The following RIMS2 variants were observed in gnomAD, a reference collection of about 807,000 sequenced individuals.
RIMS2 encodes regulating synaptic membrane exocytosis 2, also known as regulating synaptic membrane exocytosis protein 2.
In RIMS2, 59 loss-of-function variants were observed where a neutral mutation model predicts 174.4. The ratio of observed to expected loss-of-function variants is 0.34; its 90% confidence interval spans 0.27 to 0.42. The LOEUF is 0.42. Ranked by LOEUF, RIMS2 falls within the 10% of genes least tolerant of loss-of-function variation. The pLI, the probability that RIMS2 is intolerant of heterozygous loss-of-function variation, is 1.00. For missense variants in RIMS2, 1,620 were observed against 1,666.3 expected, an observed-to-expected ratio of 0.97 and a Z score of 0.48; for synonymous variants, 606 against 572.5, an observed-to-expected ratio of 1.06 and a Z score of -0.84.
At chr8:104,051,294 TCACA>T (rs1233645962) in intron 19 of RIMS2, among the ~76,000 whole-genome samples, 1 of 151,856 alleles carries the variant, frequency 6.6e-6, no homozygotes, top group Non-Finnish European at 1.5e-5. Context: ...ATATATACAC[TCACA>T]CACACATATA....
Position 104,241,828 on chromosome 8 carries a change from C to T in RIMS2, c.3335-3088C>T, listed in dbSNP as rs184660666. On this transcript the variant is annotated intron_variant, in intron 19 of 23. Transcript: ENST00000504942. ...AGGCTGGAGTGCAATGGTGCAATTT[C>T]GGCTCACTGCAACCTCTGCCTCCTG... Among the ~76,000 whole-genome samples, 470 of 152,208 alleles carry T rather than the reference C, an allele frequency of 3.1e-3. 2 individuals carry two copies. The highest frequency in any genetic ancestry group is 0.011 in the African/African-American group (449 of 41,520).
chr8:103,671,307 A>G (rs1339290505), intron 1 of RIMS2, among the ~76,000 whole-genome samples: 25 of 152,172 alleles, frequency 1.6e-4, no homozygotes, highest in Admixed American at 1.6e-3. Context: ...ACCATATCAC[A>G]TTGGTAATTT....
At chr8:104,091,803 A>T (rs975500496) in intron 19 of RIMS2, among the ~76,000 whole-genome samples, 25 of 151,712 alleles carry the variant, frequency 1.6e-4, no homozygotes, top group African/African-American at 6.0e-4. Flanking sequence ...TATGATCTAA[A>T]TTGTCTTTGA....
chr8:103,512,409 T>A (rs1586533219), intron 1 of RIMS2, among the ~76,000 whole-genome samples: 1 of 152,322 alleles, frequency 6.6e-6, no homozygotes, highest in Non-Finnish European at 1.5e-5. Flanking sequence ...TTATTTCTTT[T>A]TGGCGTTATA....
chr8:103,941,343 C>T (rs2082482426), intron 13 of RIMS2, among the ~76,000 whole-genome samples: 1 of 152,002 alleles, frequency 6.6e-6, no homozygotes, highest in African/African-American at 2.4e-5. Flanking sequence ...AAGAAATTAG[C>T]CAGGCATGGT....
intron 21 of RIMS2, 133 bp downstream of exon 27, chr8:104,248,946 TA>T: frequency 5.2e-6 from 3 of 577,974 alleles, no homozygotes; most frequent in Non-Finnish European, 3.1e-6. Flanking sequence ...TTTTTTTTTT[TA>T]AGACAGAGTT....
chr8:103,668,647 A>G (rs1242587355), intron 1 of RIMS2, among the ~76,000 whole-genome samples: 2 of 135,846 alleles, frequency 1.5e-5, no homozygotes, highest in African/African-American at 5.5e-5. Context: ...GTCATGGAGT[A>G]TAGACGATTT....
intron 1 of RIMS2, among the ~76,000 whole-genome samples, chr8:103,592,190 T>A (rs1405667931): frequency 6.6e-6 from 1 of 151,212 alleles, no homozygotes; most frequent in East Asian, 1.9e-4. Flanking sequence ...ACTATAACAT[T>A]TTCACAATTT....
intron 2 of RIMS2, among the ~76,000 whole-genome samples, chr8:103,697,969 T>C (rs1335761863): frequency 7.6e-6 from 1 of 131,182 alleles, no homozygotes; most frequent in Non-Finnish European, 1.7e-5. Flanking sequence ...AGAGACTCTG[T>C]CTCAAAAGAA....
At chr8:104,178,719 A>G (rs1465156843) in intron 19 of RIMS2, among the ~76,000 whole-genome samples, 1 of 152,028 alleles carries the variant, frequency 6.6e-6, no homozygotes, top group Admixed American at 6.6e-5. Context: ...GTTGCTGTTG[A>G]TACTACATGC....
chr8:103,539,152 T>C (rs989078315), intron 1 of RIMS2, among the ~76,000 whole-genome samples: 1 of 152,176 alleles, frequency 6.6e-6, no homozygotes, highest in Non-Finnish European at 1.5e-5. Flanking sequence ...TGTGTGATGA[T>C]TGTATCTGTG....
At position 103,742,965 on chromosome 8, in the gene RIMS2, G is replaced by A. The variant is rs540083416; in HGVS notation, c.388-23262G>A. On this transcript the variant is annotated intron_variant, in intron 2 of 23. Transcript: ENST00000504942. ...CAGCATTAGTTTATTATAAGATAGC[G>A]TACCATGAACAGGCTTTTTAAGGTC... 9.2e-4 allele frequency among the ~76,000 whole-genome samples: 140 copies of A among 152,222 alleles called. 2 individuals carry two copies. Among genetic ancestry groups the A allele is most frequent in the African/African-American group, 2.8e-3 (118 of 41,558 alleles).
At chr8:104,073,261 CTTAT>C (rs2097225840) in intron 19 of RIMS2, among the ~76,000 whole-genome samples, 1 of 152,028 alleles carries the variant, frequency 6.6e-6, no homozygotes, top group South Asian at 2.1e-4. Context: ...TTTGATAATG[CTTAT>C]TTAAACATAT....
At chr8:104,008,481 ATGTT>A (rs1447753474) in intron 17 of RIMS2, among the ~76,000 whole-genome samples, 1 of 126,382 alleles carries the variant, frequency 7.9e-6, no homozygotes, top group African/African-American at 3.0e-5. Context: ...TACATCTTAT[ATGTT>A]TGTGTGTGTG....
At chr8:103,989,204 A>G (rs2094539476) in intron 16 of RIMS2, 101 bp from the exon 19 acceptor site, 2 of 724,822 alleles carry the variant, frequency 2.8e-6, no homozygotes, top group Non-Finnish European at 2.4e-6. Flanking sequence ...GGACTTCACC[A>G]TATAGTGACT....
chr8:103,519,855 A>G (rs1291415543), intron 1 of RIMS2, among the ~76,000 whole-genome samples: 1 of 150,608 alleles, frequency 6.6e-6, no homozygotes, highest in Non-Finnish European at 1.5e-5. Flanking sequence ...CCTCTTAGAA[A>G]CCCTGTATTC....
chr8:104,184,828 T>C (rs1275024286), intron 19 of RIMS2, among the ~76,000 whole-genome samples: 2 of 151,592 alleles, frequency 1.3e-5, no homozygotes, highest in Non-Finnish European at 3.0e-5. Flanking sequence ...GACACTCATC[T>C]GCCTCCTTTA....
intron 3 of RIMS2, among the ~76,000 whole-genome samples, chr8:103,843,712 A>T (rs953356287): frequency 6.6e-6 from 1 of 152,138 alleles, no homozygotes; most frequent in Non-Finnish European, 1.5e-5. Context: ...AGACTACCTT[A>T]TTATTTCTCT....
At chr8:103,570,821 A>G (rs1377678934) in intron 1 of RIMS2, among the ~76,000 whole-genome samples, 4 of 152,192 alleles carry the variant, frequency 2.6e-5, no homozygotes, top group Admixed American at 2.0e-4. Flanking sequence ...TTAGCTTTTA[A>G]TAAGTAGGGA....
Sources: gnomAD v4.1 joint callset for allele counts (sites outside exome capture counted in the v4.1 genomes callset) on GRCh38, gnomAD v4.1.1 for gene constraint, MANE v1.5 for transcripts, NCBI Gene and HGNC (gene_info 2026-07-23, HGNC 2026-07-21) for gene names.